The following TXNRD3 variants were observed in gnomAD, a reference collection of about 807,000 sequenced individuals.
The protein encoded by TXNRD3 is TXNRD3 neighbor gene protein.
TXNRD3 carries 68 observed loss-of-function variants against 78.2 expected under a neutral mutation model. The ratio of observed to expected loss-of-function variants is 0.87; its 90% confidence interval spans 0.72 to 1.06. The LOEUF is 1.06. TXNRD3 is among the 50% of genes least tolerant of loss of function. The probability of loss-of-function intolerance (pLI) is 0.00; values close to 1 mark genes in which losing one functional copy is unlikely to be tolerated. For synonymous variants in TXNRD3, 296 were observed against 300.1 expected (o/e 0.99, Z 0.14); for missense variants, 751 against 809.5 (o/e 0.93, Z 0.88).
At position 126,642,146 on chromosome 3, in the gene TXNRD3, C is replaced by A. The variant is rs1933106141; in HGVS notation, c.598G>T (p.Gly200Cys). ...CAACCTACATTTACACAAGTGCCAC[C>A]AAGACCTGAGGAAGAAAATAAGTTT... The change falls in exon 6 of 16, where the codon GGT (glycine) becomes TGT (cysteine). Residue 200 changes from glycine (G) to cysteine (C), a missense_variant. Coordinates refer to ENST00000524230, the MANE Select transcript of TXNRD3 (RefSeq NM_052883.3). The A allele has an allele frequency of 5.2e-6, 8 of 1,532,802 alleles. No individual in the cohort carries two copies. Among genetic ancestry groups the A allele is most frequent in the Non-Finnish European group, 7.0e-6 (8 of 1,146,014 alleles). The allele number at this position is 1,532,802 out of a possible 1,614,324, so 95.0% of individuals were successfully genotyped here.
Position 126,654,946 on chromosome 3 carries a change from G to A in TXNRD3, c.45C>T (p.Gly15=). The change falls in exon 1 of 16, where the codon GGC becomes GGT. Residue 15 remains glycine, a synonymous_variant. Coordinates refer to ENST00000524230, the MANE Select transcript of TXNRD3 (RefSeq NM_052883.3). ...GGCCCGAGCGGCGGTTGGGGGCATC[G>A]CCCGCCTTTCCCGGCCCGGGCGACT... 1 of 1,295,852 alleles carries A rather than the reference G, an allele frequency of 7.7e-7. No homozygotes were observed. 80.3% of individuals were successfully genotyped at this position (1,295,852 alleles called of 1,614,324 possible).
intron 6 of TXNRD3, 122 bp from the exon 7 acceptor site, chr3:126,634,173 A>G: frequency 1.2e-6 from 1 of 845,480 alleles, no homozygotes; most frequent in Middle Eastern, 2.5e-4. Flanking sequence ...ACAATCAGTA[A>G]CTTAAATATT....
intron 5 of TXNRD3, among the ~76,000 whole-genome samples, chr3:126,643,393 G>A (rs1188153256): frequency 6.6e-6 from 1 of 152,160 alleles, no homozygotes; most frequent in Non-Finnish European, 1.5e-5. Context: ...AGAGTCACAG[G>A]GCTGGTCATT....
At chr3:126,644,252 A>C in intron 4 of TXNRD3, 45 bp downstream of exon 4, 1 of 1,470,386 alleles carries the variant, frequency 6.8e-7, no homozygotes, top group Admixed American at 2.0e-5. Flanking sequence ...TAGCTATGGC[A>C]GTCATCAGGA....
rs1040248974 is a variant in TXNRD3 at position 126,642,078 on chromosome 3, C to T, written c.666G>A (p.Gln222=). ...CAAATTTCCTTGAGTCACATAATGC[C>T]TGCCCCAAAAGGGCAGCCTGATGCA... Residue 222 remains glutamine (Q), a synonymous_variant, in exon 6 of 16, where the codon CAG becomes CAA. Coordinates refer to ENST00000524230, the MANE Select transcript of TXNRD3 (RefSeq NM_052883.3). 1.6e-5 allele frequency: 25 copies of T among 1,535,666 alleles called. No individual in the cohort carries two copies. In the African/African-American group the frequency reaches 3.2e-4, roughly 19 times the overall value.
intron 15 of TXNRD3, 115 bp downstream of exon 15, chr3:126,608,384 A>G: frequency 8.6e-7 from 1 of 1,164,416 alleles, no homozygotes; most frequent in Non-Finnish European, 1.1e-6. Context: ...GAAATAAAAT[A>G]AATTTAAAAA....
At chr3:126,635,759 C>T (rs1201416028) in intron 6 of TXNRD3, among the ~76,000 whole-genome samples, 1 of 152,136 alleles carries the variant, frequency 6.6e-6, no homozygotes, top group Non-Finnish European at 1.5e-5. Context: ...ATATCCTGTA[C>T]ATTCCTGGTT....
chr3:126,642,792 A>T (rs777233), intron 5 of TXNRD3, among the ~76,000 whole-genome samples: 119,924 of 152,176 alleles, frequency 0.79, 48,224 homozygotes, highest in Non-Finnish European at 0.88. Flanking sequence ...GCTTTTGTAC[A>T]TAAAATTCTA....
chr3:126,627,075 G>GA (rs1475362188), intron 10 of TXNRD3, among the ~76,000 whole-genome samples: 3 of 152,206 alleles, frequency 2.0e-5, no homozygotes, highest in Admixed American at 2.0e-4. Flanking sequence ...GTGACAGAGT[G>GA]AAACCATCTC....
At chr3:126,635,409 T>G (rs945027243) in intron 6 of TXNRD3, among the ~76,000 whole-genome samples, 1 of 152,192 alleles carries the variant, frequency 6.6e-6, no homozygotes, top group Non-Finnish European at 1.5e-5. Context: ...TCCTGGAGTT[T>G]TTGATATGCC....
In TXNRD3 at chr3:126,647,145, G is replaced by C. The variant is rs1933257896; in HGVS notation, c.304+91C>G. The C allele has an allele frequency of 7.0e-6, 7 of 1,002,354 alleles. No homozygotes were observed. The South Asian group carries it at 1.3e-4, about 18-fold the overall frequency. The allele number at this position is 1,002,354 out of a possible 1,614,324, so 62.1% of individuals were successfully genotyped here. A position where few individuals can be genotyped will look rare whatever the true frequency, so the allele number is the denominator to read the frequency against. On this transcript the variant is annotated intron_variant, in intron 2 of 15. Coordinates refer to ENST00000524230, the MANE Select transcript of TXNRD3 (RefSeq NM_052883.3). ...AATGCCTCATTTAACCCGAAGACAA[G>C]AGTAATCTGAATTGAACAAAGTAAA...
chr3:126,616,694 T>A (rs1162822463), intron 12 of TXNRD3, among the ~76,000 whole-genome samples: 2 of 152,120 alleles, frequency 1.3e-5, no homozygotes, highest in African/African-American at 4.8e-5. Flanking sequence ...TACCTATTAA[T>A]CCCAGGATTC....
intron 6 of TXNRD3, among the ~76,000 whole-genome samples, chr3:126,638,154 A>G (rs1352561923): frequency 6.6e-6 from 1 of 151,994 alleles, no homozygotes; most frequent in African/African-American, 2.4e-5. Flanking sequence ...TGTGTTAGCC[A>G]GAATGGTCTT....
chr3:126,616,081 A>T (rs1169862545), intron 12 of TXNRD3, among the ~76,000 whole-genome samples: 2 of 152,192 alleles, frequency 1.3e-5, no homozygotes, highest in African/African-American at 2.4e-5. Flanking sequence ...CCATCTCCAG[A>T]GCCTTTATCA....
intron 9 of TXNRD3, 80 bp from the exon 10 acceptor site, chr3:126,629,551 T>C (rs949078724): frequency 5.5e-6 from 6 of 1,095,144 alleles, no homozygotes; most frequent in Non-Finnish European, 7.8e-6. Context: ...ACCGGTATGT[T>C]CGTGTACATT....
intron 12 of TXNRD3, among the ~76,000 whole-genome samples, chr3:126,616,226 T>C (rs1257000229): frequency 6.6e-6 from 1 of 152,096 alleles, no homozygotes; most frequent in Non-Finnish European, 1.5e-5. Flanking sequence ...CATGAAACCA[T>C]GTGCATGGAG....
chr3:126,642,211 CATATT>C (rs1376693712), intron 5 of TXNRD3, 60 bp from the exon 6 acceptor site: 7 of 1,479,620 alleles, frequency 4.7e-6, no homozygotes. Flanking sequence ...CATCTGCAAT[CATATT>C]ATATTAAAAC....
chr3:126,641,990 T>C (rs1468334709), intron 6 of TXNRD3, 42 bp downstream of exon 6: 32 of 1,475,102 alleles, frequency 2.2e-5, no homozygotes, highest in Middle Eastern at 1.7e-4. Flanking sequence ...AAAACTCATT[T>C]TTTCTTTTCT....
chr3:126,633,864 A>G (rs1227639949), intron 7 of TXNRD3, 45 bp downstream of exon 7: 1 of 1,418,802 alleles, frequency 7.0e-7, no homozygotes, highest in East Asian at 2.5e-5. Context: ...AGTATAAACA[A>G]TTGTAAAGAA....
Sources: gnomAD v4.1 joint callset for allele counts (sites outside exome capture counted in the v4.1 genomes callset) on GRCh38, gnomAD v4.1.1 for gene constraint, MANE v1.5 for transcripts, NCBI Gene and HGNC (gene_info 2026-07-23, HGNC 2026-07-21) for gene names.